The following ARMH3 variants were observed in gnomAD, a reference collection of about 807,000 sequenced individuals.
The protein encoded by ARMH3 is armadillo like helical domain containing 3.
ARMH3 carries 60 observed loss-of-function variants against 99.1 expected under a neutral mutation model. The ratio of observed to expected loss-of-function variants is 0.61; its 90% CI spans 0.49 to 0.75. The LOEUF (loss-of-function observed/expected upper bound fraction) is 0.75, where lower values mean the gene tolerates loss of function less well. ARMH3 is among the 30% of genes least tolerant of loss of function. The pLI is 0.00. For missense variants in ARMH3, 679 were observed against 843.1 expected (o/e 0.81, Z 2.41); for synonymous variants, 285 against 292.8 (o/e 0.97, Z 0.27).
chr10:102,002,140 C>T (rs951865116), intron 14 of ARMH3, 68 bp from the exon 15 acceptor site: 112 of 1,581,094 alleles, frequency 7.1e-5, no homozygotes, highest in Non-Finnish European at 9.3e-5. Flanking sequence ...ACCCACATAG[C>T]CAATTTGCCA....
intron 15 of ARMH3, among the ~76,000 whole-genome samples, chr10:101,997,857 C>T (rs773968148): frequency 2.6e-5 from 4 of 151,962 alleles, no homozygotes; most frequent in Non-Finnish European, 4.4e-5. Flanking sequence ...ATCCTCATGG[C>T]GGTGGTGGAA....
intron 15 of ARMH3, 99 bp from the exon 16 acceptor site, chr10:101,995,454 C>T: frequency 1.0e-6 from 1 of 989,314 alleles, no homozygotes; most frequent in Admixed American, 2.3e-5. Flanking sequence ...GAAACATTCA[C>T]ACTTTCTCTT....
At chr10:101,894,792 G>A (rs932272445) in intron 23 of ARMH3, among the ~76,000 whole-genome samples, 32 of 149,562 alleles carry the variant, frequency 2.1e-4, no homozygotes, top group Non-Finnish European at 4.3e-4. Flanking sequence ...AGAACTGCTT[G>A]AACCCAGGGG....
intron 2 of ARMH3, among the ~76,000 whole-genome samples, chr10:102,036,942 C>T (rs1384988080): frequency 6.6e-6 from 1 of 150,802 alleles, no homozygotes. Flanking sequence ...ATCCCAGCTA[C>T]TTGGGAGGCT....
At chr10:101,871,016 A>C (rs1211594621) in intron 24 of ARMH3, among the ~76,000 whole-genome samples, 2 of 152,238 alleles carry the variant, frequency 1.3e-5, no homozygotes, top group East Asian at 3.8e-4. Flanking sequence ...ATGCAGGAAA[A>C]AAAAGTCAAT....
chr10:101,960,063 A>G (rs1845214112), intron 20 of ARMH3, among the ~76,000 whole-genome samples: 1 of 152,156 alleles, frequency 6.6e-6, no homozygotes, highest in South Asian at 2.1e-4. Flanking sequence ...CTGTAGGCCC[A>G]GCTACTCGAG....
chr10:101,996,993 A>C (rs4291608), intron 15 of ARMH3, among the ~76,000 whole-genome samples: 1 of 152,030 alleles, frequency 6.6e-6, no homozygotes, highest in Non-Finnish European at 1.5e-5. Flanking sequence ...GGCTGGGCTC[A>C]GTGGCTCACA....
At chr10:101,877,456 T>G (rs1320560287) in intron 24 of ARMH3, among the ~76,000 whole-genome samples, 10 of 152,076 alleles carry the variant, frequency 6.6e-5, no homozygotes, top group Non-Finnish European at 1.5e-5. Context: ...GGTCAGGAGT[T>G]TGAGACCAGC....
intron 24 of ARMH3, among the ~76,000 whole-genome samples, chr10:101,874,070 T>G (rs1370647183): frequency 1.5e-4 from 23 of 152,144 alleles, no homozygotes. Context: ...ATTAGTTTAT[T>G]TATATAAAAT....
intron 23 of ARMH3, among the ~76,000 whole-genome samples, chr10:101,934,798 TTCTC>T (rs1381900247): frequency 6.6e-6 from 1 of 152,158 alleles, no homozygotes; most frequent in South Asian, 2.1e-4. Context: ...TTTACTATCT[TTCTC>T]TCTTTTGACT....
chr10:101,957,754 C>T, intron 20 of ARMH3, 22 bp from the exon 21 acceptor site: 3 of 1,244,704 alleles, frequency 2.4e-6, no homozygotes, highest in African/African-American at 3.4e-5. Flanking sequence ...AAAAAAAAGA[C>T]ATCAACAAGC....
At chr10:101,890,439 C>A (rs1007265042) in intron 23 of ARMH3, among the ~76,000 whole-genome samples, 1 of 151,954 alleles carries the variant, frequency 6.6e-6, no homozygotes, top group East Asian at 1.9e-4. Context: ...GGTAGAAACA[C>A]GGTTTTGCCA....
chr10:101,979,065 G>A (rs1274803394), intron 19 of ARMH3, among the ~76,000 whole-genome samples: 2 of 152,110 alleles, frequency 1.3e-5, no homozygotes, highest in African/African-American at 4.8e-5. Flanking sequence ...GATCGCCTGA[G>A]CTCCAGAGTT....
chr10:101,937,566 A>G (rs1015446727), intron 23 of ARMH3, among the ~76,000 whole-genome samples: 6 of 151,888 alleles, frequency 4.0e-5, no homozygotes, highest in Non-Finnish European at 8.8e-5. Context: ...ATTAATTCTC[A>G]GCTTTGCCAA....
At chr10:101,876,263 A>AG (rs1564710871) in intron 24 of ARMH3, among the ~76,000 whole-genome samples, 1 of 151,436 alleles carries the variant, frequency 6.6e-6, no homozygotes, top group Non-Finnish European at 1.5e-5. Flanking sequence ...AAAAAAAAAA[A>AG]AAAAACAACT....
At chr10:101,936,377 A>G (rs1843975659) in intron 23 of ARMH3, among the ~76,000 whole-genome samples, 1 of 151,802 alleles carries the variant, frequency 6.6e-6, no homozygotes, top group Non-Finnish European at 1.5e-5. Context: ...CTGTAATCCC[A>G]GCTACTCAGG....
At chr10:102,006,880 A>C (rs187055961) in intron 13 of ARMH3, among the ~76,000 whole-genome samples, 405 of 152,084 alleles carry the variant, frequency 2.7e-3, no homozygotes, top group African/African-American at 9.1e-3. Context: ...TAGAAAGCTC[A>C]CTGAGGCTGG....
intron 24 of ARMH3, among the ~76,000 whole-genome samples, chr10:101,863,701 G>C (rs1351107053): frequency 3.9e-5 from 6 of 152,006 alleles, no homozygotes; most frequent in Non-Finnish European, 7.4e-5. Flanking sequence ...GAGGTGAGAG[G>C]ATCGCTTGAG....
intron 23 of ARMH3, among the ~76,000 whole-genome samples, chr10:101,928,771 T>C (rs958742596): frequency 6.6e-5 from 10 of 152,162 alleles, no homozygotes; most frequent in African/African-American, 1.9e-4. Context: ...GCTCTTGTTG[T>C]CCAGGCTGGA....
Sources: allele counts gnomAD v4.1 joint callset (sites outside exome capture counted in the v4.1 genomes callset), GRCh38; gene constraint gnomAD v4.1.1; transcripts MANE v1.5; gene names NCBI Gene and HGNC (gene_info 2026-07-23, HGNC 2026-07-21).